Variants in PHF21B observed in about 807,000 individuals in gnomAD.
PHF21B encodes PHD finger protein 4.
In PHF21B, 22 loss-of-function variants were observed where a neutral mutation model predicts 62.2. That is an observed-to-expected ratio of 0.35 (90% CI 0.25 to 0.51). PHF21B has a LOEUF of 0.51. Among genes scored for constraint, PHF21B ranks in the 20% least tolerant of loss-of-function variants. The pLI is 0.97. For synonymous variants in PHF21B, 341 were observed against 314.7 expected (o/e 1.08, Z -0.88); for missense variants, 701 against 707.9 (o/e 0.99, Z 0.11).
At chr22:44,980,707 G>A (rs1351435267) in intron 2 of PHF21B, among the ~76,000 whole-genome samples, 1 of 152,078 alleles carries the variant, frequency 6.6e-6, no homozygotes, top group Non-Finnish European at 1.5e-5. Context: ...ACACAAGTGG[G>A]TGCTGACACC....
intron 2 of PHF21B, among the ~76,000 whole-genome samples, chr22:44,954,595 T>C (rs753003586): frequency 6.6e-6 from 1 of 152,278 alleles, no homozygotes; most frequent in Non-Finnish European, 1.5e-5. Flanking sequence ...CATCCCATTT[T>C]ACCTGCTTCT....
intron 2 of PHF21B, among the ~76,000 whole-genome samples, chr22:44,947,810 C>T (rs753757873): frequency 7.9e-5 from 12 of 152,104 alleles, no homozygotes; most frequent in African/African-American, 1.2e-4. Flanking sequence ...TTTGTCACTT[C>T]GGCTCTGCTT....
chr22:44,884,091 A>G (rs1216220925), intron 12 of PHF21B, among the ~76,000 whole-genome samples: 2 of 134,266 alleles, frequency 1.5e-5, no homozygotes, highest in East Asian at 4.1e-4. Flanking sequence ...CACCACCGCC[A>G]CCACCATCAC....
In PHF21B at chr22:44,920,384, C is replaced by G. The variant is rs546309993; in HGVS notation, c.213+14G>C. On this transcript the variant is annotated intron_variant, in intron 3 of 12. Coordinates refer to ENST00000313237, the MANE Select transcript of PHF21B (RefSeq NM_138415.5). Reference sequence around the variant, plus strand: ...ACAGACGGACACCCCAGGGCCCGCCCGAGGGCTGCTTACCTGAGGTAGCAC... The same window carrying G: ...ACAGACGGACACCCCAGGGCCCGCCGGAGGGCTGCTTACCTGAGGTAGCAC... 4 of 1,598,204 alleles carry G rather than the reference C, an allele frequency of 2.5e-6. No homozygotes were observed. The highest frequency in any genetic ancestry group is 1.3e-5 in the African/African-American group (1 of 74,516).
chr22:44,992,838 G>A (rs190222922), intron 2 of PHF21B, among the ~76,000 whole-genome samples: 21 of 152,284 alleles, frequency 1.4e-4, no homozygotes, highest in Admixed American at 3.9e-4. Flanking sequence ...CTGCTCACAC[G>A]ATCCTGTCGG....
intron 12 of PHF21B, 59 bp downstream of exon 12, chr22:44,885,367 C>G (rs2070837731): frequency 6.7e-7 from 1 of 1,482,592 alleles, no homozygotes; most frequent in Non-Finnish European, 9.1e-7. Flanking sequence ...TATCTGTCCC[C>G]TAGACCCGGG....
At position 44,916,470 on chromosome 22, in the gene PHF21B, G is replaced by C; in HGVS notation, c.374C>G (p.Ala125Gly). 1 of 1,604,860 alleles carries C rather than the reference G, an allele frequency of 6.2e-7. No individual in the cohort carries two copies. ...TANNTVSHVP[A>G]PGSQPQALAE... is the part of the protein sequence containing the mutation. ...GAGGGCCTGGGGCTGGCTGCCGGGC[G>C]CTGGCACATGGCTGACAGTGTTGTT... is the stretch of plus-strand genomic sequence containing the variant. The change falls in exon 4 of 13, where the codon GCG (alanine) becomes GGG (glycine). Residue 125 changes from alanine (A) to glycine (G), a missense_variant. Physicochemically the swap from Ala to Gly is moderately conservative, Grantham distance 60. Transcript: ENST00000313237.
At chr22:44,888,199 G>A in intron 9 of PHF21B, 78 bp from the exon 10 acceptor site, 2 of 1,384,040 alleles carry the variant, frequency 1.4e-6, no homozygotes, top group South Asian at 1.6e-5. Flanking sequence ...GCCAGGCCCA[G>A]GCAGCTGTGT....
intron 2 of PHF21B, among the ~76,000 whole-genome samples, chr22:44,945,046 C>A (rs1002334007): frequency 1.4e-4 from 19 of 137,444 alleles, no homozygotes; most frequent in African/African-American, 4.7e-4. Context: ...CTTGCGACGG[C>A]TCACTCACTC....
At chr22:44,944,925 C>T (rs2072034890) in intron 2 of PHF21B, among the ~76,000 whole-genome samples, 1 of 152,260 alleles carries the variant, frequency 6.6e-6, no homozygotes, top group African/African-American at 2.4e-5. Flanking sequence ...CTCCTGCCTT[C>T]CTGCCGCAGT....
chr22:44,966,885 C>T (rs2072537462), intron 2 of PHF21B: 1 of 152,224 alleles, frequency 6.6e-6, no homozygotes. Context: ...GCTTTCTTGA[C>T]AGACTTTGCA....
At chr22:44,906,832 G>A (rs2147283578) in intron 5 of PHF21B, among the ~76,000 whole-genome samples, 1 of 152,326 alleles carries the variant, frequency 6.6e-6, no homozygotes, top group Admixed American at 6.5e-5. Flanking sequence ...TCAACCGTGA[G>A]ACTCAGTGGT....
At position 45,008,573 on chromosome 22, in the gene PHF21B, G is replaced by C; in HGVS notation, c.92C>G (p.Pro31Arg). ...TTTGTCGCTGAGCGCGGCGATCCGC[G>C]GCTGCCTTTCGTGGAGCTGCTTCTT... is the stretch of plus-strand genomic sequence containing the variant. The part of the protein sequence containing the change: ...DLKKQLHERQ[P>R]RIAALSDKQA... The change falls in exon 2 of 13, where the codon CCG (proline) becomes CGG (arginine). Residue 31 changes from proline to arginine, a missense_variant. Transcript: ENST00000313237. 1 of 1,589,860 alleles carries C rather than the reference G, an allele frequency of 6.3e-7. No homozygotes were observed. Among genetic ancestry groups the C allele is most frequent in the Non-Finnish European group, 8.6e-7 (1 of 1,168,952 alleles).
At chr22:44,927,241 C>T (rs545547508) in intron 2 of PHF21B, among the ~76,000 whole-genome samples, 22 of 151,680 alleles carry the variant, frequency 1.5e-4, no homozygotes, top group African/African-American at 1.9e-4. Flanking sequence ...CGTCCACACC[C>T]GCAGGAGGCC....
At position 45,009,529 on chromosome 22, in the gene PHF21B, G is replaced by C; in HGVS notation, c.21C>G (p.Pro7=). 6.4e-6 allele frequency: 10 copies of C among 1,571,722 alleles called. No individual in the cohort carries two copies. Among genetic ancestry groups the C allele is most frequent in the Middle Eastern group, 3.6e-4 (2 of 5,586 alleles). The part of the protein sequence containing the change: MELQSR[P]EALAVELARH... ...GCGCGAGTTCCACGGCGAGCGCCTCGGGCCGGCTCTGCAGCTCCATCCCGG... is the reference window on the plus strand; with the variant it reads ...GCGCGAGTTCCACGGCGAGCGCCTCCGGCCGGCTCTGCAGCTCCATCCCGG... The change falls in exon 1 of 13, where the codon CCC becomes CCG. Residue 7 remains proline, a synonymous_variant. Coordinates refer to ENST00000313237, the MANE Select transcript of PHF21B (RefSeq NM_138415.5). This position sits in a 1 kb window ranked among gnomAD's most constrained non-coding sequence, Gnocchi z 5.9.
intron 2 of PHF21B, among the ~76,000 whole-genome samples, chr22:44,941,547 G>T (rs1249927977): frequency 6.6e-6 from 1 of 152,222 alleles, no homozygotes; most frequent in African/African-American, 2.4e-5. Flanking sequence ...TCCCAACCCA[G>T]CTGGATCGCT....
At chr22:44,887,592 T>C (rs1253952899) in intron 10 of PHF21B, among the ~76,000 whole-genome samples, 1 of 151,344 alleles carries the variant, frequency 6.6e-6, no homozygotes, top group Non-Finnish European at 1.5e-5. Flanking sequence ...CCCCATCTAC[T>C]AAAAATACAA....
At chr22:44,983,534 T>C (rs2072881183) in intron 2 of PHF21B, among the ~76,000 whole-genome samples, 2 of 152,160 alleles carry the variant, frequency 1.3e-5, no homozygotes. Flanking sequence ...CTGGAAGAGC[T>C]GGGCCCTGGG....
rs563813138 is a variant in PHF21B at position 44,898,126 on chromosome 22, G to T, written c.832-2043C>A. ...CCCAGCCCTTTGTTTTCTGTCCCAG[G>T]ATCCCACATGATATTTAGATATCAT... On this transcript the variant is annotated intron_variant, in intron 5 of 12. Transcript: ENST00000313237. Among the ~76,000 whole-genome samples the T allele has an allele frequency of 2.6e-5, 4 of 152,272 alleles. No homozygotes were observed. The South Asian group carries it at 6.2e-4, about 24-fold the overall frequency.
Sources: gnomAD v4.1 joint callset for allele counts (sites outside exome capture counted in the v4.1 genomes callset) on GRCh38, gnomAD v4.1.1 for gene constraint, Gnocchi (gnomAD v3.1) non-coding constraint, MANE v1.5 for transcripts, NCBI Gene and HGNC (gene_info 2026-07-23, HGNC 2026-07-21) for gene names.